The following SNRNP27 variants were observed in gnomAD, a reference collection of about 807,000 sequenced individuals.
The protein encoded by SNRNP27 is U4/U6.U5 small nuclear ribonucleoprotein 27 kDa protein.
SNRNP27 carries 22 observed loss-of-function variants against 25.1 expected under a neutral mutation model. That is an observed-to-expected ratio of 0.88 (90% confidence interval 0.63 to 1.25). The LOEUF is 1.25. Among genes scored for constraint, SNRNP27 ranks in the 50% most tolerant of loss-of-function variants. The probability of loss-of-function intolerance (pLI) is 0.00; values close to 1 mark genes in which losing one functional copy is unlikely to be tolerated. For synonymous variants in SNRNP27, 66 were observed against 64.9 expected (o/e 1.02, Z -0.08); for missense variants, 150 against 202.3 (o/e 0.74, Z 1.57).
rs373250965 is a variant in SNRNP27, at chr2:69,899,490, C to T, written c.348+2034C>T. On this transcript the variant is annotated intron_variant, in intron 4 of 5. Transcript: ENST00000244227. ...TGTTGTCCAGGCTGGAGTGCAGCGG[C>T]GCAATCTCGGCTCACTGCTACCTCC... is the stretch of plus-strand genomic sequence containing the variant. Among the ~76,000 whole-genome samples, 56 of 152,152 alleles carry T rather than the reference C, an allele frequency of 3.7e-4. 1 individual carries two copies. The highest frequency in any genetic ancestry group is 1.3e-3 in the African/African-American group (53 of 41,506).
chr2:69,896,553 T>A lies in SNRNP27; in HGVS notation c.268+5T>A, dbSNP rs977661950. ...GCAAAGAACGGCAGATTACTGGTAA[T>A]GTTATTAGATAAATAACTGTAGGAA... On this transcript the variant is annotated splice_donor_5th_base_variant and intron_variant, in intron 3 of 5. Transcript: ENST00000244227. The A allele has an allele frequency of 1.1e-5, 17 of 1,592,182 alleles. No individual in the cohort carries two copies. The highest frequency in any genetic ancestry group is 1.4e-5 in the Non-Finnish European group (16 of 1,165,926).
At chr2:69,902,787 T>C (rs1408423405) in intron 4 of SNRNP27, among the ~76,000 whole-genome samples, 2 of 151,888 alleles carry the variant, frequency 1.3e-5, no homozygotes, top group African/African-American at 4.8e-5. Flanking sequence ...CTTCTTTTCT[T>C]CTTCTGCTTT....
intron 2 of SNRNP27, among the ~76,000 whole-genome samples, chr2:69,895,987 T>TG (rs1491055469): frequency 2.1e-5 from 3 of 141,122 alleles, no homozygotes; most frequent in East Asian, 4.2e-4. Context: ...TTTTTTTTTT[T>TG]TGAGAGAGAG....
In SNRNP27 at chr2:69,896,484, A is replaced by G. The variant is rs192101388; in HGVS notation, c.204A>G (p.Lys68=). Reference sequence around the variant, plus strand: ...CATCTCCTTCCCCTTCTCGACTGAAAGAAAGAAGAGATGAGGAAAAGAAAG... The same window carrying G: ...CATCTCCTTCCCCTTCTCGACTGAAGGAAAGAAGAGATGAGGAAAAGAAAG... ...RSTSPSPSRL[K]ERRDEEKKET... Residue 68 remains lysine (K), a synonymous_variant, in exon 3 of 6, where the codon AAA becomes AAG. Transcript: ENST00000244227. 6.2e-7 allele frequency: 1 copy of G among 1,611,032 alleles called. No individual in the cohort carries two copies. Among genetic ancestry groups the G allele is most frequent in the Admixed American group, 1.7e-5 (1 of 60,016 alleles).
intron 3 of SNRNP27, among the ~76,000 whole-genome samples, chr2:69,897,005 T>A (rs1246751340): frequency 6.6e-6 from 1 of 152,170 alleles, no homozygotes; most frequent in Admixed American, 6.5e-5. Flanking sequence ...CCCTAGCAAG[T>A]TGCTGGTTAT....
At position 69,895,181 on chromosome 2, in the gene SNRNP27, G is replaced by T; in HGVS notation, c.122G>T (p.Ser41Ile). 6.2e-7 allele frequency: 1 copy of T among 1,614,146 alleles called. No homozygotes were observed. Among genetic ancestry groups the T allele is most frequent in the Middle Eastern group, 1.7e-4 (1 of 6,020 alleles). The change falls in exon 2 of 6, where the codon AGC (serine) becomes ATC (isoleucine). Residue 41 changes from serine to isoleucine, a missense_variant. By Grantham distance (142) the Ser-to-Ile change is moderately radical (BLOSUM62 -2). Transcript: ENST00000244227. ...TCTCGGGAGAGAGATCGGAGAAGGA[G>T]CCGCTCGCGATCCCCGCACCGAAGA... Reference protein sequence around the residue: ...SRSRERDRRRSRSRSPHRRRS... With the variant: ...SRSRERDRRRIRSRSPHRRRS...
At chr2:69,899,893 A>G (rs1676666010) in intron 4 of SNRNP27, among the ~76,000 whole-genome samples, 1 of 152,074 alleles carries the variant, frequency 6.6e-6, no homozygotes, top group Non-Finnish European at 1.5e-5. Flanking sequence ...CGCCAGGATA[A>G]TGTTTTTATT....
At chr2:69,902,840 T>C (rs368928702) in intron 4 of SNRNP27, among the ~76,000 whole-genome samples, 1 of 151,800 alleles carries the variant, frequency 6.6e-6, no homozygotes, top group African/African-American at 2.4e-5. Flanking sequence ...TGCCGCTTCT[T>C]CTGCTGCTTC....
chr2:69,904,259 A>G lies in SNRNP27; in HGVS notation c.419A>G (p.Tyr140Cys). The part of the protein sequence containing the change: ...NVSQKRKYRQ[Y>C]MNRKGGFNRP... The stretch of plus-strand genomic sequence containing the variant: ...ATTTTCTCTTCTCATCATAGGCAGT[A>G]CATGAATCGAAAAGGTGGATTCAAC... Residue 140 changes from tyrosine (Y) to cysteine (C), a missense_variant, in exon 6 of 6, where the codon TAC (tyrosine) becomes TGC (cysteine). Tyr to Cys is a radical substitution (Grantham distance 194). This residue lies in a region of SNRNP27 where 8 missense variants were observed against 33.7 expected (regional missense o/e 0.24). Coordinates refer to ENST00000244227, the MANE Select transcript of SNRNP27 (RefSeq NM_006857.3). 1.2e-6 allele frequency: 2 copies of G among 1,604,782 alleles called. No individual in the cohort carries two copies. The highest frequency in any genetic ancestry group is 1.7e-6 in the Non-Finnish European group (2 of 1,175,358).
intron 4 of SNRNP27, among the ~76,000 whole-genome samples, chr2:69,899,602 G>T (rs552762004): frequency 3.3e-5 from 5 of 151,754 alleles, no homozygotes; most frequent in African/African-American, 1.2e-4. Context: ...GCTAATTTTC[G>T]TATTTTTAGT....
At position 69,897,433 on chromosome 2, in the gene SNRNP27, T is replaced by C. The variant is rs1251499684; in HGVS notation, c.325T>C (p.Phe109Leu). 1.9e-6 allele frequency: 3 copies of C among 1,613,348 alleles called. No homozygotes were observed. In the Admixed American group the frequency reaches 5.0e-5, roughly 27 times the overall value. Residue 109 changes from phenylalanine (F) to leucine (L), a missense_variant, in exon 4 of 6, where the codon TTT (phenylalanine) becomes CTT (leucine). By Grantham distance (22) the Phe-to-Leu change is conservative. Around this residue, in one of 2 missense-constraint regions of SNRNP27, gnomAD observed 142 missense variants for 168.6 expected, o/e 0.84. Coordinates refer to ENST00000244227, the MANE Select transcript of SNRNP27 (RefSeq NM_006857.3). ...AATAGAAATGATGAAGTTAATGGGA[T>C]TTGCCTCCTTTGACTCCACAAAAGT... is the stretch of plus-strand genomic sequence containing the variant. ...EEIEMMKLMG[F>L]ASFDSTKGKK...
chr2:69,901,131 G>A (rs1383881030), intron 4 of SNRNP27, among the ~76,000 whole-genome samples: 2 of 150,108 alleles, frequency 1.3e-5, no homozygotes, highest in Non-Finnish European at 2.9e-5. Flanking sequence ...CCGAGATTGC[G>A]CCACTGCACT....
chr2:69,899,427 T>G (rs1676656256), intron 4 of SNRNP27, among the ~76,000 whole-genome samples: 1 of 152,148 alleles, frequency 6.6e-6, no homozygotes, highest in Admixed American at 6.5e-5. Flanking sequence ...GTATTATTTT[T>G]TATTTTAATT....
At chr2:69,894,393 G>C (rs1450435502) in intron 1 of SNRNP27, among the ~76,000 whole-genome samples, 4 of 152,182 alleles carry the variant, frequency 2.6e-5, no homozygotes. Flanking sequence ...ATTGAGGGTA[G>C]TATTGCCAAC....
intron 4 of SNRNP27, among the ~76,000 whole-genome samples, chr2:69,899,626 C>T (rs1403861233): frequency 1.3e-5 from 2 of 152,090 alleles, no homozygotes; most frequent in Non-Finnish European, 2.9e-5. Context: ...GATGGGGTTT[C>T]GCCATATTGG....
intron 4 of SNRNP27, among the ~76,000 whole-genome samples, chr2:69,902,202 TCCTCCTTCCTCCTC>T (rs1408289530): frequency 6.1e-4 from 92 of 150,560 alleles, no homozygotes; most frequent in South Asian, 2.1e-4. Flanking sequence ...CCTTCCTCCT[TCCTCCTTCCTCCTC>T]CCTCCTTCCT....
At chr2:69,902,578 TCTTCTG>T (rs1309024165) in intron 4 of SNRNP27, among the ~76,000 whole-genome samples, 4 of 151,810 alleles carry the variant, frequency 2.6e-5, no homozygotes, top group African/African-American at 9.7e-5. Context: ...TGCTTTTGCT[TCTTCTG>T]CTTCTGCTGC....
At chr2:69,898,770 T>C (rs1009461241) in intron 4 of SNRNP27, among the ~76,000 whole-genome samples, 1 of 152,232 alleles carries the variant, frequency 6.6e-6, no homozygotes, top group Non-Finnish European at 1.5e-5. Flanking sequence ...GCAATGGTTA[T>C]GTGAGCTCTG....
At position 69,904,398 on chromosome 2, in the gene SNRNP27, C is replaced by T; in HGVS notation, c.*90C>T. The T allele has an allele frequency of 1.0e-6, 1 of 957,852 alleles. No homozygotes were observed. The highest frequency in any genetic ancestry group is 1.7e-6 in the Non-Finnish European group (1 of 588,498). The allele number at this position is 957,852 out of a possible 1,614,324, so 59.3% of individuals were successfully genotyped here. On this transcript the variant is annotated 3_prime_UTR_variant, in exon 6 of 6. Coordinates refer to ENST00000244227, the MANE Select transcript of SNRNP27 (RefSeq NM_006857.3). ...TTGTATTTAACTTGCATTCAAAAAA[C>T]AGGATCTCAGTTCTCCTTTCTTGTA...
Sources: gnomAD v4.1 joint callset for allele counts (sites outside exome capture counted in the v4.1 genomes callset) on GRCh38, gnomAD v4.1.1 for gene constraint, gnomAD v4.1.1 regional missense constraint, MANE v1.5 for transcripts, NCBI Gene and HGNC (gene_info 2026-07-23, HGNC 2026-07-21) for gene names.